The following SH3BGRL2 variants were observed in gnomAD, a reference collection of about 807,000 sequenced individuals.
The protein encoded by SH3BGRL2 is SH3 domain binding glutamate rich protein like 2, also known as SH3 domain-binding glutamic acid-rich-like protein 2.
A neutral mutation model predicts 14.8 loss-of-function variants in SH3BGRL2; 21 were observed. The ratio of observed to expected loss-of-function variants is 1.42; its 90% CI spans 1.01 to 2.05. The LOEUF (loss-of-function observed/expected upper bound fraction) is 2.05. SH3BGRL2 is among the 30% of genes most tolerant of loss of function. The pLI is 0.00. For missense variants in SH3BGRL2, 147 were observed against 130.8 expected (o/e 1.12, Z -0.61); for synonymous variants, 50 against 47.8 (o/e 1.05, Z -0.19).
the SH3BGRL2 span, among the ~76,000 whole-genome samples, chr6:79,603,845 C>T: frequency 6.6e-6 from 1 of 152,126 alleles, no homozygotes; most frequent in South Asian, 2.1e-4. Context: ...TGCTCTGTTA[C>T]CCAGGCTGGA....
intron 1 of SH3BGRL2, among the ~76,000 whole-genome samples, chr6:79,657,465 G>C (rs1192263521): frequency 6.6e-6 from 1 of 152,148 alleles, no homozygotes; most frequent in African/African-American, 2.4e-5. Flanking sequence ...TGTAGCTGGT[G>C]GTGGAGGAGT....
chr6:79,681,843 T>C (rs1030822067), intron 2 of SH3BGRL2, among the ~76,000 whole-genome samples: 3 of 151,950 alleles, frequency 2.0e-5, no homozygotes, highest in African/African-American at 7.3e-5. Context: ...TCCCAGCTAC[T>C]GGGGAGGCTG....
At chr6:79,560,036 G>GAGA in the SH3BGRL2 span, among the ~76,000 whole-genome samples, 1 of 152,086 alleles carries the variant, frequency 6.6e-6, no homozygotes, top group Non-Finnish European at 1.5e-5. Flanking sequence ...AGAAGAGGAA[G>GAGA]AGAAGAAGAA....
chr6:79,539,285 T>C, the SH3BGRL2 span, among the ~76,000 whole-genome samples: 1 of 152,244 alleles, frequency 6.6e-6, no homozygotes, highest in Non-Finnish European at 1.5e-5. Context: ...CATGGTTTTA[T>C]ATATTATTTT....
the SH3BGRL2 span, among the ~76,000 whole-genome samples, chr6:79,607,981 A>G: frequency 6.6e-6 from 1 of 152,146 alleles, no homozygotes; most frequent in South Asian, 2.1e-4. Context: ...TAATCAGCTC[A>G]TGGTTCCTCA....
chr6:79,693,457 C>T (rs1279137987), intron 2 of SH3BGRL2, among the ~76,000 whole-genome samples: 2 of 150,532 alleles, frequency 1.3e-5, no homozygotes, highest in African/African-American at 5.0e-5. Flanking sequence ...GGAATGCTTC[C>T]AGTTTTTGCC....
the SH3BGRL2 span, among the ~76,000 whole-genome samples, chr6:79,623,386 G>A: frequency 8.5e-5 from 13 of 152,160 alleles, no homozygotes; most frequent in East Asian, 3.9e-4. Flanking sequence ...GCTTTGTTTC[G>A]TCATAAACTT....
Position 79,699,730 on chromosome 6 carries a change from C to A in SH3BGRL2, c.*221C>A. On this transcript the variant is annotated 3_prime_UTR_variant, in exon 4 of 4. Coordinates refer to ENST00000369838, the MANE Select transcript of SH3BGRL2 (RefSeq NM_031469.4). The stretch of plus-strand genomic sequence containing the variant: ...GATTTTTTTTTTCTTATTCTATTTG[C>A]CTGCAGTTGCCTCACTCACCTGGAA... The A allele has an allele frequency of 2.0e-6, 1 of 504,826 alleles. No individual in the cohort carries two copies. The highest frequency in any genetic ancestry group is 3.2e-6 in the Non-Finnish European group (1 of 307,886). 31.3% of individuals were successfully genotyped at this position (504,826 alleles called of 1,614,324 possible). A position where few individuals can be genotyped will look rare whatever the true frequency, so the allele number is the denominator to read the frequency against.
chr6:79,591,477 A>T, the SH3BGRL2 span, among the ~76,000 whole-genome samples: 1 of 152,116 alleles, frequency 6.6e-6, no homozygotes, highest in South Asian at 2.1e-4. Flanking sequence ...GGTGCAATCC[A>T]GCTCACTGCA....
intron 1 of SH3BGRL2, among the ~76,000 whole-genome samples, chr6:79,650,230 A>G (rs1428338131): frequency 6.6e-6 from 1 of 152,154 alleles, no homozygotes; most frequent in Non-Finnish European, 1.5e-5. Flanking sequence ...GAAAGATACA[A>G]AAGTTCCCAG....
chr6:79,597,768 C>A, the SH3BGRL2 span, among the ~76,000 whole-genome samples: 2 of 152,134 alleles, frequency 1.3e-5, no homozygotes, highest in African/African-American at 4.8e-5. Context: ...ATTGGACATC[C>A]TCGAAATTTA....
the SH3BGRL2 span, chr6:79,561,174 C>T: frequency 2.0e-5 from 3 of 151,676 alleles, no homozygotes; most frequent in African/African-American, 7.3e-5. Context: ...GCCACCACTC[C>T]CGGCCAACAA....
chr6:79,612,659 C>T, the SH3BGRL2 span, among the ~76,000 whole-genome samples: 991 of 152,282 alleles, frequency 6.5e-3, 13 homozygotes, highest in African/African-American at 0.023. Flanking sequence ...GGTGTTTTGG[C>T]AACAATCTTC....
the SH3BGRL2 span, among the ~76,000 whole-genome samples, chr6:79,567,262 A>G: frequency 6.6e-6 from 1 of 152,232 alleles, no homozygotes; most frequent in Admixed American, 6.5e-5. Flanking sequence ...AAGTTTATTA[A>G]ATCATTTTTG....
the SH3BGRL2 span, among the ~76,000 whole-genome samples, chr6:79,589,663 G>C: frequency 6.6e-6 from 1 of 152,102 alleles, no homozygotes; most frequent in Non-Finnish European, 1.5e-5. Context: ...GGCCACGCTA[G>C]GTTCAATATT....
chr6:79,603,717 G>C, the SH3BGRL2 span, among the ~76,000 whole-genome samples: 1 of 152,172 alleles, frequency 6.6e-6, no homozygotes, highest in Non-Finnish European at 1.5e-5. Flanking sequence ...AGAAATGCCA[G>C]GTCATAGATA....
chr6:79,660,053 G>A lies in SH3BGRL2; in HGVS notation c.46-13561G>A, dbSNP rs140276850. Among the ~76,000 whole-genome samples the A allele has an allele frequency of 7.8e-3, 1,188 of 152,284 alleles. 14 individuals carry two copies. The highest frequency in any genetic ancestry group is 0.028 in the African/African-American group (1,143 of 41,558). On this transcript the variant is annotated intron_variant, in intron 1 of 3. Coordinates refer to ENST00000369838, the MANE Select transcript of SH3BGRL2 (RefSeq NM_031469.4). ...GGAGATTTTGGGCTGAGACGATGGGGTTTTCTAAATATACAATCATGCCGT... is the reference window on the plus strand; with the variant it reads ...GGAGATTTTGGGCTGAGACGATGGGATTTTCTAAATATACAATCATGCCGT...
chr6:79,649,537 C>G (rs911522536), intron 1 of SH3BGRL2, among the ~76,000 whole-genome samples: 7 of 151,976 alleles, frequency 4.6e-5, no homozygotes, highest in African/African-American at 1.7e-4. Context: ...TTTGTAGCAC[C>G]TTTTTTTGCC....
intron 1 of SH3BGRL2, among the ~76,000 whole-genome samples, chr6:79,649,983 T>TCACACACACA (rs370228264): frequency 0.039 from 5,132 of 132,054 alleles, 105 homozygotes; most frequent in Non-Finnish European, 0.05. Flanking sequence ...TCTCTCTCTC[T>TCACACACACA]CTCACACACA....
Sources: gnomAD v4.1 joint callset for allele counts (sites outside exome capture counted in the v4.1 genomes callset) on GRCh38, gnomAD v4.1.1 for gene constraint, MANE v1.5 for transcripts, NCBI Gene and HGNC (gene_info 2026-07-23, HGNC 2026-07-21) for gene names.